The following EIF2S2 variants were observed in gnomAD, a reference collection of about 807,000 sequenced individuals.
EIF2S2 encodes eukaryotic translation initiation factor 2 subunit 2.
A neutral mutation model predicts 44.0 loss-of-function variants in EIF2S2; 4 were observed. The observed-to-expected ratio is 0.09, with a 90% CI of 0.04 to 0.21. The LOEUF (loss-of-function observed/expected upper bound fraction) is 0.21. Ranked by LOEUF, EIF2S2 falls within the 10% of genes least tolerant of loss-of-function variation. The pLI is 1.00. For synonymous variants in EIF2S2, 108 were observed against 128.3 expected, an observed-to-expected ratio of 0.84 and a Z score of 1.07; for missense variants, 154 against 392.0, an observed-to-expected ratio of 0.39 and a Z score of 5.13.
At chr20:34,095,444 C>T (rs990006124) in intron 6 of EIF2S2, among the ~76,000 whole-genome samples, 1 of 151,834 alleles carries the variant, frequency 6.6e-6, no homozygotes, top group Admixed American at 6.6e-5. Context: ...TCCCGAGTAG[C>T]GGGATTACAG....
rs570794810 is a variant in EIF2S2 at position 34,107,559 on chromosome 20, T to C, written c.16-2014A>G. Among the ~76,000 whole-genome samples the C allele has an allele frequency of 1.3e-4, 20 of 152,328 alleles. No homozygotes were observed. The East Asian group carries it at 3.1e-3, about 23-fold the overall frequency. The stretch of plus-strand genomic sequence containing the variant: ...GTAAGTACTCGATAAATATTAGCAA[T>C]TGTAATTTATATAATACTTTACCAT... On this transcript the variant is annotated intron_variant, in intron 1 of 8. Transcript: ENST00000374980.
intron 7 of EIF2S2, among the ~76,000 whole-genome samples, chr20:34,091,275 A>T (rs1299197505): frequency 1.3e-5 from 2 of 152,236 alleles, no homozygotes; most frequent in African/African-American, 2.4e-5. Flanking sequence ...AGAAATATAA[A>T]AACAGGAAAG....
chr20:34,098,906 A>G (rs1035764609), intron 3 of EIF2S2, among the ~76,000 whole-genome samples: 8 of 152,336 alleles, frequency 5.3e-5, no homozygotes, highest in African/African-American at 1.7e-4. Context: ...GAAGTTACAG[A>G]TAAGAAACGC....
chr20:34,089,094 C>T lies in EIF2S2; in HGVS notation c.*636G>A, dbSNP rs897883097. 3 of 152,592 alleles carry T rather than the reference C, an allele frequency of 2.0e-5. No individual in the cohort carries two copies. The highest frequency in any genetic ancestry group is 4.4e-5 in the Non-Finnish European group (3 of 68,072). 9.5% of individuals were successfully genotyped at this position (152,592 alleles called of 1,614,324 possible). On this transcript the variant is annotated 3_prime_UTR_variant, in exon 9 of 9. Transcript: ENST00000374980. ...GGAGGGTACCTAGCACCTTGTATTC[C>T]CTCATGTGGTAACAGCTGGGGGAGG... is the stretch of plus-strand genomic sequence containing the variant.
intron 4 of EIF2S2, 109 bp from the exon 5 acceptor site, chr20:34,097,625 C>T (rs970705319): frequency 2.6e-6 from 2 of 775,988 alleles, no homozygotes; most frequent in African/African-American, 1.7e-5. Flanking sequence ...TTCCCTTCCA[C>T]AGCTGCATTC....
intron 8 of EIF2S2, among the ~76,000 whole-genome samples, chr20:34,090,228 G>A (rs889519193): frequency 3.3e-5 from 5 of 152,216 alleles, no homozygotes; most frequent in African/African-American, 1.2e-4. Context: ...AGGAACAAAA[G>A]GGGGCCAAGG....
intron 2 of EIF2S2, 135 bp from the exon 3 acceptor site, chr20:34,103,700 A>C: frequency 5.5e-6 from 7 of 1,268,384 alleles, no homozygotes; most frequent in Admixed American, 4.2e-5. Context: ...CAATCACAAA[A>C]CTTATGGTTC....
chr20:34,108,799 T>G (rs1462104761), intron 1 of EIF2S2, among the ~76,000 whole-genome samples: 1 of 152,170 alleles, frequency 6.6e-6, no homozygotes, highest in Non-Finnish European at 1.5e-5. Context: ...ATCAACTTTA[T>G]AGTCATACTA....
chr20:34,100,510 T>A (rs2034283492), intron 3 of EIF2S2, among the ~76,000 whole-genome samples: 1 of 152,204 alleles, frequency 6.6e-6, no homozygotes, highest in Non-Finnish European at 1.5e-5. Flanking sequence ...GTATCTATTT[T>A]GTGTGTGCCT....
chr20:34,105,300 A>G, intron 2 of EIF2S2, 68 bp downstream of exon 2: 1 of 1,556,696 alleles, frequency 6.4e-7, no homozygotes, highest in Non-Finnish European at 8.7e-7. Context: ...CTGCATATCC[A>G]AAAGCCAAAA....
Position 34,097,467 on chromosome 20 carries a change from A to G in EIF2S2, c.483T>C (p.Asn161=). 1 of 1,613,822 alleles carries G rather than the reference A, an allele frequency of 6.2e-7. No homozygotes were observed. The highest frequency in any genetic ancestry group is 8.5e-7 in the Non-Finnish European group (1 of 1,179,936). The change falls in exon 5 of 9, where the codon AAT becomes AAC. Residue 161 remains asparagine (N), a synonymous_variant. Coordinates refer to ENST00000374980, the MANE Select transcript of EIF2S2 (RefSeq NM_003908.5). The part of the protein sequence containing the change: ...NKKDDGISFS[N]QTGPAWAGSE... ...AGCCTGCCCAAGCAGGGCCTGTCTGATTACTGAATGAGATACCATCATCTT... is the reference window on the plus strand; with the variant it reads ...AGCCTGCCCAAGCAGGGCCTGTCTGGTTACTGAATGAGATACCATCATCTT...
chr20:34,093,966 CTG>C (rs1231404319), intron 6 of EIF2S2, among the ~76,000 whole-genome samples: 1 of 152,194 alleles, frequency 6.6e-6, no homozygotes, highest in Non-Finnish European at 1.5e-5. Context: ...TCATAGCTCA[CTG>C]TAACCTCAAA....
chr20:34,112,180 G>T lies in EIF2S2; in HGVS notation c.-70C>A. 5.4e-6 allele frequency: 8 copies of T among 1,468,104 alleles called. No homozygotes were observed. Among genetic ancestry groups the T allele is most frequent in the Middle Eastern group, 2.5e-4 (1 of 4,076 alleles). 90.9% of individuals were successfully genotyped at this position (1,468,104 alleles called of 1,614,324 possible). A position where few individuals can be genotyped will look rare whatever the true frequency, so the allele number is the denominator to read the frequency against. ...GTCAGCCCCAGGCCCCGGCGGCAGCGCTGCCCCTGCCGATACCTCTCCCAC... is the reference window on the plus strand; with the variant it reads ...GTCAGCCCCAGGCCCCGGCGGCAGCTCTGCCCCTGCCGATACCTCTCCCAC... On this transcript the variant is annotated 5_prime_UTR_variant, in exon 1 of 9. Transcript: ENST00000374980.
intron 1 of EIF2S2, among the ~76,000 whole-genome samples, chr20:34,106,256 G>A (rs895134208): frequency 1.3e-5 from 2 of 151,826 alleles, no homozygotes; most frequent in Admixed American, 6.6e-5. Context: ...TGGTAACTTG[G>A]GGCTGTTACA....
chr20:34,103,456 T>C lies in EIF2S2; in HGVS notation c.297+6A>G. Reference sequence around the variant, plus strand: ...AATTTTACCTTCAACAAGAAAGCAATACTACCTTTACACCTTCTTCAGCTT... The same window carrying C: ...AATTTTACCTTCAACAAGAAAGCAACACTACCTTTACACCTTCTTCAGCTT... On this transcript the variant is annotated splice_donor_region_variant and intron_variant, in intron 3 of 8. Coordinates refer to ENST00000374980, the MANE Select transcript of EIF2S2 (RefSeq NM_003908.5). 1.3e-6 allele frequency: 2 copies of C among 1,548,512 alleles called. No homozygotes were observed. Among genetic ancestry groups the C allele is most frequent in the Non-Finnish European group, 1.7e-6 (2 of 1,142,898 alleles).
rs1601530812 is a variant in EIF2S2 at position 34,093,848 on chromosome 20, G to A, written c.684-117C>T. The A allele has an allele frequency of 1.9e-5, 16 of 848,212 alleles. No homozygotes were observed. The East Asian group carries it at 3.8e-4, about 20-fold the overall frequency. 52.5% of individuals were successfully genotyped at this position (848,212 alleles called of 1,614,324 possible). The stretch of plus-strand genomic sequence containing the variant: ...ATTTAGCTATTAAGTGAATTTCACT[G>A]CACCATTTATTTAAACTTTGAAATA... On this transcript the variant is annotated intron_variant, in intron 6 of 8. Coordinates refer to ENST00000374980, the MANE Select transcript of EIF2S2 (RefSeq NM_003908.5).
intron 4 of EIF2S2, 116 bp downstream of exon 4, chr20:34,098,382 T>C (rs1438083080): frequency 3.6e-6 from 4 of 1,118,272 alleles, no homozygotes; most frequent in Admixed American, 2.3e-5. Flanking sequence ...CCATTATCAG[T>C]CAGTAGAAAT....
chr20:34,097,336 C>T (rs1406676839), intron 5 of EIF2S2, 80 bp downstream of exon 5: 4 of 1,210,444 alleles, frequency 3.3e-6, no homozygotes, highest in Middle Eastern at 2.8e-4. Flanking sequence ...CTTCAACGGC[C>T]GTTCCAATAA....
intron 7 of EIF2S2, among the ~76,000 whole-genome samples, chr20:34,091,514 G>A (rs936987656): frequency 6.6e-6 from 1 of 152,044 alleles, no homozygotes; most frequent in Non-Finnish European, 1.5e-5. Context: ...TCAGGTGTTC[G>A]AGACCAGCCT....
Sources: allele counts gnomAD v4.1 joint callset (sites outside exome capture counted in the v4.1 genomes callset), GRCh38; gene constraint gnomAD v4.1.1; transcripts MANE v1.5; gene names NCBI Gene and HGNC (gene_info 2026-07-23, HGNC 2026-07-21).